XKR4: variants seen among roughly 807,000 people sequenced by gnomAD.
The protein encoded by XKR4 is XK related 4.
XKR4 carries 12 observed loss-of-function variants against 53.9 expected under a neutral mutation model. The observed-to-expected ratio is 0.22, with a 90% CI of 0.14 to 0.36. The LOEUF is 0.36. Among genes scored for constraint, XKR4 ranks in the 10% least tolerant of loss-of-function variants. XKR4 has a pLI of 1.00. For missense variants in XKR4, 799 were observed against 859.5 expected (o/e 0.93, Z 0.88); for synonymous variants, 354 against 362.4 (o/e 0.98, Z 0.26).
chr8:55,288,717 T>C (rs1818941813), intron 1 of XKR4, among the ~76,000 whole-genome samples: 1 of 152,188 alleles, frequency 6.6e-6, no homozygotes, highest in East Asian at 1.9e-4. Flanking sequence ...GAGATCATTG[T>C]ATGCTTTACC....
chr8:55,453,344 C>T (rs892495164), intron 2 of XKR4: 1 of 473,772 alleles, frequency 2.1e-6, no homozygotes, highest in Non-Finnish European at 4.4e-6. Flanking sequence ...CAGGACCACC[C>T]AGTTCTGTTG....
In XKR4 at chr8:55,540,610, C is replaced by T. The variant is rs1387448245; in HGVS notation, c.*16383C>T. ...GAGTCGATGAAGGATATGCAAATTA[C>T]ATTTTTCCCATTCTCAGAACAAAGA... On this transcript the variant is annotated 3_prime_UTR_variant, in exon 3 of 3. Coordinates refer to ENST00000327381, the MANE Select transcript of XKR4 (RefSeq NM_052898.2). 6.6e-6 allele frequency: 1 copy of T among 152,166 alleles called. No homozygotes were observed. The highest frequency in any genetic ancestry group is 1.5e-5 in the Non-Finnish European group (1 of 68,030). The allele number at this position is 152,166 out of a possible 1,614,324, so 9.4% of individuals were successfully genotyped here. A position where few individuals can be genotyped will look rare whatever the true frequency, so the allele number is the denominator to read the frequency against.
intron 1 of XKR4, among the ~76,000 whole-genome samples, chr8:55,200,234 A>G (rs565924430): frequency 6.6e-6 from 1 of 151,958 alleles, no homozygotes. Context: ...CGCCCAGCTA[A>G]TTTTTGTATT....
At chr8:55,400,843 C>T (rs1321454707) in intron 2 of XKR4, among the ~76,000 whole-genome samples, 1 of 152,192 alleles carries the variant, frequency 6.6e-6, no homozygotes, top group East Asian at 1.9e-4. Flanking sequence ...CTGTCTGCTG[C>T]CCTGTTTCTT....
chr8:55,164,026 A>G, intron 1 of XKR4: 1 of 327,326 alleles, frequency 3.1e-6, no homozygotes, highest in South Asian at 2.5e-5. Flanking sequence ...TTGCACACAC[A>G]TCCCTCGCAC....
chr8:55,491,377 T>C (rs1024546249), intron 2 of XKR4, among the ~76,000 whole-genome samples: 5 of 152,222 alleles, frequency 3.3e-5, no homozygotes, highest in African/African-American at 7.2e-5. Context: ...TGATTTTTTA[T>C]TGGATGTGGC....
chr8:55,439,100 G>A (rs1215628471), intron 2 of XKR4, among the ~76,000 whole-genome samples: 1 of 152,190 alleles, frequency 6.6e-6, no homozygotes, highest in Non-Finnish European at 1.5e-5. Context: ...AATGTCTTTT[G>A]TGAGAATTTC....
intron 2 of XKR4, among the ~76,000 whole-genome samples, chr8:55,456,419 G>A (rs2939642): frequency 0.4 from 60,723 of 151,558 alleles, 12,970 homozygotes; most frequent in East Asian, 0.53. Flanking sequence ...CAACAAGAGC[G>A]AAACTCTGTC....
intron 2 of XKR4, among the ~76,000 whole-genome samples, chr8:55,463,521 T>A (rs1229749078): frequency 1.5e-4 from 23 of 151,126 alleles, no homozygotes; most frequent in Admixed American, 1.3e-3. Context: ...CAAGAGAAAG[T>A]AGGAAAGATC....
intron 1 of XKR4, among the ~76,000 whole-genome samples, chr8:55,205,657 T>A (rs1817636713): frequency 6.6e-6 from 1 of 152,216 alleles, no homozygotes; most frequent in Admixed American, 6.5e-5. Context: ...ACTCAATAAT[T>A]TTAAGAAGGT....
At chr8:55,384,799 C>A (rs1804286679) in intron 2 of XKR4, among the ~76,000 whole-genome samples, 1 of 152,204 alleles carries the variant, frequency 6.6e-6, no homozygotes, top group South Asian at 2.1e-4. Context: ...CCATCAGTCT[C>A]CAATGTGTGT....
At chr8:55,483,848 G>T (rs950437854) in intron 2 of XKR4, among the ~76,000 whole-genome samples, 2 of 151,698 alleles carry the variant, frequency 1.3e-5, no homozygotes, top group African/African-American at 4.8e-5. Flanking sequence ...AGACAGCAAT[G>T]TAAGTGAAAA....
At chr8:55,393,759 GTAA>G (rs1266962791) in intron 2 of XKR4, among the ~76,000 whole-genome samples, 1 of 152,142 alleles carries the variant, frequency 6.6e-6, no homozygotes, top group Non-Finnish European at 1.5e-5. Context: ...AGTTGAGTTG[GTAA>G]TAATAAACAA....
In XKR4 at chr8:55,530,545, C is replaced by T. The variant is rs755963200; in HGVS notation, c.*6318C>T. The T allele has an allele frequency of 6.6e-6, 1 of 152,062 alleles. No individual in the cohort carries two copies. Among genetic ancestry groups the T allele is most frequent in the Non-Finnish European group, 1.5e-5 (1 of 67,996 alleles). The allele number at this position is 152,062 out of a possible 1,614,324, so 9.4% of individuals were successfully genotyped here. The stretch of plus-strand genomic sequence containing the variant: ...TTCAATGATATTGTTGCCTAGTAAG[C>T]TGTGTGTGTGTTGTTTGAACTGATA... On this transcript the variant is annotated 3_prime_UTR_variant, in exon 3 of 3. Transcript: ENST00000327381.
chr8:55,295,049 T>TA (rs1470984671), intron 1 of XKR4, among the ~76,000 whole-genome samples: 1 of 152,188 alleles, frequency 6.6e-6, no homozygotes, highest in Non-Finnish European at 1.5e-5. Flanking sequence ...TAATTCATGA[T>TA]AAAAATAATC....
intron 1 of XKR4, among the ~76,000 whole-genome samples, chr8:55,124,178 C>G (rs79155570): frequency 0.033 from 5,057 of 152,282 alleles, 293 homozygotes; most frequent in African/African-American, 0.11. Context: ...AATGCTGGCT[C>G]AGACTTTCCC....
At chr8:55,229,188 G>A (rs1563488214) in intron 1 of XKR4, among the ~76,000 whole-genome samples, 1 of 152,204 alleles carries the variant, frequency 6.6e-6, no homozygotes, top group African/African-American at 2.4e-5. Context: ...GCAGCAGGCA[G>A]CCATGGAGCC....
intron 2 of XKR4, among the ~76,000 whole-genome samples, chr8:55,479,077 C>T (rs1806055425): frequency 6.6e-6 from 1 of 152,188 alleles, no homozygotes; most frequent in East Asian, 1.9e-4. Flanking sequence ...AACTCTCCAC[C>T]CCAAATCAAC....
chr8:55,521,841 G>T (rs1806802516), intron 2 of XKR4, among the ~76,000 whole-genome samples: 1 of 152,042 alleles, frequency 6.6e-6, no homozygotes, highest in South Asian at 2.1e-4. Context: ...AAATATTTTT[G>T]AATAAAAAGT....
Sources: gnomAD v4.1 joint callset for allele counts (sites outside exome capture counted in the v4.1 genomes callset) on GRCh38, gnomAD v4.1.1 for gene constraint, MANE v1.5 for transcripts, NCBI Gene and HGNC (gene_info 2026-07-23, HGNC 2026-07-21) for gene names.